The following KDM1A variants were observed in gnomAD, a reference collection of about 807,000 sequenced individuals.
KDM1A encodes lysine-specific histone demethylase 1A.
Under a neutral mutation model 109.4 loss-of-function variants are expected in KDM1A, and 49 were observed. That is an observed-to-expected ratio of 0.45 (90% CI 0.36 to 0.57). KDM1A has a LOEUF of 0.57. KDM1A is among the 20% of genes least tolerant of loss of function. The pLI is 0.00. For missense variants in KDM1A, 668 were observed against 1,116.6 expected, an observed-to-expected ratio of 0.60 and a Z score of 5.73; for synonymous variants, 380 against 415.4, an observed-to-expected ratio of 0.91 and a Z score of 1.04.
chr1:23,081,889 A>G (rs1035086875), intron 19 of KDM1A: 2 of 423,250 alleles, frequency 4.7e-6, no homozygotes, highest in Non-Finnish European at 8.4e-6. Context: ...ACCTCTTGGT[A>G]CTTTTTCGTG....
chr1:23,031,833 T>A (rs1047034370), intron 2 of KDM1A, among the ~76,000 whole-genome samples: 1 of 152,074 alleles, frequency 6.6e-6, no homozygotes, highest in African/African-American at 2.4e-5. Flanking sequence ...CTAAGAAGAG[T>A]GGTTTTCCTA....
intron 7 of KDM1A, among the ~76,000 whole-genome samples, chr1:23,056,341 G>A (rs1557555778): frequency 6.6e-6 from 1 of 151,982 alleles, no homozygotes; most frequent in Non-Finnish European, 1.5e-5. Context: ...TTTGTTAGGA[G>A]GCAGTTATTT....
At chr1:23,052,186 T>G (rs1289648546) in intron 4 of KDM1A, among the ~76,000 whole-genome samples, 1 of 152,254 alleles carries the variant, frequency 6.6e-6, no homozygotes. Flanking sequence ...ATGTTAGATT[T>G]GTGGTCTCTG....
intron 15 of KDM1A, among the ~76,000 whole-genome samples, chr1:23,076,243 C>G (rs1259109607): frequency 6.6e-6 from 1 of 152,102 alleles, no homozygotes; most frequent in Non-Finnish European, 1.5e-5. Flanking sequence ...ATTAGAAATC[C>G]TTACCAGCTT....
In KDM1A at chr1:23,019,539, A is replaced by C. The variant is rs1277577786; in HGVS notation, c.-58A>C. 1 of 1,337,552 alleles carries C rather than the reference A, an allele frequency of 7.5e-7. No individual in the cohort carries two copies. 82.9% of individuals were successfully genotyped at this position (1,337,552 alleles called of 1,614,324 possible). A position where few individuals can be genotyped will look rare whatever the true frequency, so the allele number is the denominator to read the frequency against. On this transcript the variant is annotated 5_prime_UTR_variant, in exon 1 of 21. Transcript: ENST00000400181. ...AGCGAGGCGAGGCAAGGCTTTTCGG[A>C]CCCACGGAGCGACAGAGCGAGCGGC... is the stretch of plus-strand genomic sequence containing the variant.
At chr1:23,067,197 A>T (rs1479894454) in intron 10 of KDM1A, among the ~76,000 whole-genome samples, 1 of 152,220 alleles carries the variant, frequency 6.6e-6, no homozygotes, top group Non-Finnish European at 1.5e-5. Context: ...AATTATAAAG[A>T]TACCCTGATC....
Position 23,083,191 on chromosome 1 carries a change from CTCT to C in KDM1A, c.2463_2465del (p.Phe822del). 5 of 1,609,918 alleles carry C rather than the reference CTCT, an allele frequency of 3.1e-6. No individual in the cohort carries two copies. The highest frequency in any genetic ancestry group is 4.2e-6 in the Non-Finnish European group (5 of 1,176,618). ...TCCCCTAAAATAGCCGATTCCACGA[CTCT>C]TCTTTGCGGGAGAACATACGATCCG... On this transcript the variant is annotated inframe_deletion, in exon 21 of 21. Transcript: ENST00000400181.
chr1:23,044,456 T>A lies in KDM1A; in HGVS notation c.547T>A (p.Ser183Thr), dbSNP rs764206518. The A allele has an allele frequency of 1.2e-6, 2 of 1,613,122 alleles. No individual in the cohort carries two copies. The highest frequency in any genetic ancestry group is 4.5e-5 in the East Asian group (2 of 44,860). Residue 183 changes from serine (S) to threonine (T), a missense_variant, in exon 3 of 21, where the codon TCT (serine) becomes ACT (threonine). By Grantham distance (58) the Ser-to-Thr change is moderately conservative (BLOSUM62 1). Transcript: ENST00000400181. The part of the protein sequence containing the change: ...GQAGGLQDDS[S>T]GGYGDGQASG... ...AGCAGGAGGACTTCAAGACGACAGT[T>A]CTGGAGGGTATGGAGACGGCCAAGC...
At chr1:23,055,896 T>C in intron 6 of KDM1A, 36 bp from the exon 7 acceptor site, 1 of 1,476,646 alleles carries the variant, frequency 6.8e-7, no homozygotes, top group Non-Finnish European at 9.4e-7. Context: ...CTTTTATACC[T>C]AAAACAAAAT....
rs1357449154 is a variant in KDM1A at position 23,030,454 on chromosome 1, A to G, written c.352-15A>G. 1.3e-5 allele frequency: 19 copies of G among 1,498,568 alleles called. No homozygotes were observed. Among genetic ancestry groups the G allele is most frequent in the African/African-American group, 2.8e-5 (2 of 70,406 alleles). 92.8% of individuals were successfully genotyped at this position (1,498,568 alleles called of 1,614,324 possible). A position where few individuals can be genotyped will look rare whatever the true frequency, so the allele number is the denominator to read the frequency against. ...TTCACTGCATTTAGCTTTCCCTGGT[A>G]TGATCTCCATATAGGTAGAGTACAG... On this transcript the variant is annotated splice_polypyrimidine_tract_variant and intron_variant, in intron 1 of 20. Coordinates refer to ENST00000400181, the MANE Select transcript of KDM1A (RefSeq NM_001009999.3).
intron 16 of KDM1A, among the ~76,000 whole-genome samples, chr1:23,077,918 T>C (rs762389936): frequency 2.0e-5 from 3 of 152,224 alleles, no homozygotes; most frequent in Admixed American, 6.5e-5. Context: ...TCTTCAGAGA[T>C]AGAGTTTCCC....
In KDM1A at chr1:23,083,565, G is replaced by A. The variant is rs777201226; in HGVS notation, c.*201G>A. 95 of 450,766 alleles carry A rather than the reference G, an allele frequency of 2.1e-4. No individual in the cohort carries two copies. The highest frequency in any genetic ancestry group is 7.6e-4 in the Admixed American group (21 of 27,798). The allele number at this position is 450,766 out of a possible 1,614,324, so 27.9% of individuals were successfully genotyped here. A position where few individuals can be genotyped will look rare whatever the true frequency, so the allele number is the denominator to read the frequency against. On this transcript the variant is annotated 3_prime_UTR_variant, in exon 21 of 21. Transcript: ENST00000400181. The stretch of plus-strand genomic sequence containing the variant: ...CAGGGAGGAACTTGTCCATTAGTTT[G>A]GAATTGTGTTCTTCGTAAAGACTGA...
chr1:23,052,147 A>G (rs1414524238), intron 4 of KDM1A, among the ~76,000 whole-genome samples: 1 of 152,202 alleles, frequency 6.6e-6, no homozygotes, highest in African/African-American at 2.4e-5. Context: ...TGATTCACCA[A>G]AAATCCAGAT....
At position 23,038,254 on chromosome 1, in the gene KDM1A, TTGTGTGTGTGTG is replaced by T. The variant is rs56016343; in HGVS notation, c.518-6147_518-6136del. ...TAACTTTTTAAGCATCTGGAACTGT[TTGTGTGTGTGTG>T]TGTGTGTGTGTGTGTGTGTGTGTGT... On this transcript the variant is annotated intron_variant, in intron 2 of 20. Transcript: ENST00000400181. Among the ~76,000 whole-genome samples the T allele has an allele frequency of 4.6e-3, 694 of 149,320 alleles. 5 individuals are homozygous for T. Among genetic ancestry groups the T allele is most frequent in the Middle Eastern group, 0.017 (5 of 294 alleles).
intron 9 of KDM1A, among the ~76,000 whole-genome samples, chr1:23,064,500 C>G (rs1482413972): frequency 6.6e-6 from 1 of 152,152 alleles, no homozygotes; most frequent in Non-Finnish European, 1.5e-5. Context: ...CTTTGATTAC[C>G]TAGCGTACAT....
At chr1:23,041,987 A>G (rs747698037) in intron 2 of KDM1A, among the ~76,000 whole-genome samples, 25 of 152,060 alleles carry the variant, frequency 1.6e-4, no homozygotes, top group Non-Finnish European at 3.2e-4. Flanking sequence ...TTGTGAATCA[A>G]AGCACCATTG....
At chr1:23,030,666 T>G (rs1641955092) in intron 2 of KDM1A, 32 bp downstream of exon 2, 1 of 1,492,080 alleles carries the variant, frequency 6.7e-7, no homozygotes, top group Non-Finnish European at 8.9e-7. Context: ...CAGTTCTGTT[T>G]TATCTTAGAA....
intron 1 of KDM1A, among the ~76,000 whole-genome samples, chr1:23,026,679 G>A (rs572419319): frequency 5.2e-4 from 79 of 152,188 alleles, no homozygotes; most frequent in Admixed American, 3.1e-3. Context: ...ACCATGCCCC[G>A]CCCAAGAAAT....
At chr1:23,069,826 C>T (rs1186759609) in intron 12 of KDM1A, among the ~76,000 whole-genome samples, 2 of 152,260 alleles carry the variant, frequency 1.3e-5, no homozygotes, top group African/African-American at 4.8e-5. Context: ...CCCCAGGCTC[C>T]AGCGCATTAA....
Sources: gnomAD v4.1 joint callset for allele counts (sites outside exome capture counted in the v4.1 genomes callset) on GRCh38, gnomAD v4.1.1 for gene constraint, MANE v1.5 for transcripts, NCBI Gene and HGNC (gene_info 2026-07-23, HGNC 2026-07-21) for gene names.